The following CNBD1 variants were observed in gnomAD, a reference collection of about 807,000 sequenced individuals.
CNBD1 encodes cyclic nucleotide binding domain containing 1, also known as cyclic nucleotide-binding domain-containing protein 1.
CNBD1 carries 71 observed loss-of-function variants against 54.4 expected under a neutral mutation model. That is an observed-to-expected ratio of 1.30 (90% CI 1.08 to 1.59). CNBD1 has a LOEUF of 1.59. CNBD1 is among the 40% of genes most tolerant of loss of function. CNBD1 has a pLI of 0.00. For synonymous variants in CNBD1, 182 were observed against 170.7 expected (o/e 1.07, Z -0.51); for missense variants, 659 against 518.0 (o/e 1.27, Z -2.64).
chr8:87,226,096 C>T (rs1422805770), intron 5 of CNBD1, among the ~76,000 whole-genome samples: 1 of 151,956 alleles, frequency 6.6e-6, no homozygotes, highest in Non-Finnish European at 1.5e-5. Flanking sequence ...ATCCCCTTTA[C>T]CATTTTTTAT....
intron 6 of CNBD1, among the ~76,000 whole-genome samples, chr8:87,280,289 A>T (rs28668446): frequency 0.24 from 36,894 of 151,428 alleles, 4,681 homozygotes; most frequent in South Asian, 0.28. Flanking sequence ...GAGAAAAATA[A>T]TTTTTTTCAA....
At chr8:87,077,565 C>G (rs987305946) in intron 4 of CNBD1, among the ~76,000 whole-genome samples, 5 of 122,716 alleles carry the variant, frequency 4.1e-5, no homozygotes, top group Non-Finnish European at 8.3e-5. Context: ...CCCCCCTCCC[C>G]CATCCCTCTA....
At chr8:86,889,305 C>A (rs748214246) in intron 2 of CNBD1, among the ~76,000 whole-genome samples, 1 of 152,054 alleles carries the variant, frequency 6.6e-6, no homozygotes, top group Non-Finnish European at 1.5e-5. Context: ...AAGTTCAGGT[C>A]CCTTTTCTCA....
At chr8:87,010,285 A>AT (rs199895645) in intron 4 of CNBD1, among the ~76,000 whole-genome samples, 10 of 151,340 alleles carry the variant, frequency 6.6e-5, no homozygotes, top group South Asian at 2.1e-4. Flanking sequence ...TCCTGACACG[A>AT]TTTTTTTTTC....
chr8:86,899,588 A>G (rs986647163), intron 2 of CNBD1, among the ~76,000 whole-genome samples: 6 of 152,100 alleles, frequency 3.9e-5, no homozygotes, highest in Admixed American at 6.6e-5. Context: ...CTTTATTTTC[A>G]TAAAGATTTT....
At chr8:87,211,050 G>C (rs1814087440) in intron 5 of CNBD1, among the ~76,000 whole-genome samples, 1 of 152,088 alleles carries the variant, frequency 6.6e-6, no homozygotes, top group Non-Finnish European at 1.5e-5. Flanking sequence ...TCAAGGCCTT[G>C]GGAGCCCACC....
intron 4 of CNBD1, among the ~76,000 whole-genome samples, chr8:87,089,287 A>G (rs768498229): frequency 2.0e-5 from 3 of 152,136 alleles, no homozygotes; most frequent in Non-Finnish European, 2.9e-5. Context: ...GCTCATAGTC[A>G]TATAATCTAA....
chr8:87,345,395 T>G (rs1810151269), intron 8 of CNBD1, among the ~76,000 whole-genome samples: 1 of 152,176 alleles, frequency 6.6e-6, no homozygotes, highest in Admixed American at 6.5e-5. Flanking sequence ...GGTACTGCTA[T>G]CTAAATTCTT....
chr8:87,324,559 C>A (rs1276510401), intron 8 of CNBD1, among the ~76,000 whole-genome samples: 1 of 144,954 alleles, frequency 6.9e-6, no homozygotes, highest in Non-Finnish European at 1.5e-5. Context: ...GGAATGTATC[C>A]ATTTCTTCTA....
chr8:86,950,511 A>G (rs1563833860), intron 4 of CNBD1, among the ~76,000 whole-genome samples: 3 of 152,164 alleles, frequency 2.0e-5, no homozygotes. Context: ...GTCATGATGA[A>G]TGATATTTTT....
At chr8:87,004,250 T>C (rs1033891168) in intron 4 of CNBD1, among the ~76,000 whole-genome samples, 23 of 152,224 alleles carry the variant, frequency 1.5e-4, no homozygotes, top group African/African-American at 5.3e-4. Flanking sequence ...CTTTCATTCA[T>C]GGGAGAAGGT....
intron 4 of CNBD1, among the ~76,000 whole-genome samples, chr8:86,975,346 G>T (rs894125549): frequency 8.6e-5 from 13 of 151,860 alleles, no homozygotes; most frequent in Non-Finnish European, 1.6e-4. Context: ...ATGAAATTTT[G>T]TACCCTTTGA....
chr8:87,409,266 G>A (rs936827363), intron 2 of CNBD1, among the ~76,000 whole-genome samples: 6 of 152,118 alleles, frequency 3.9e-5, no homozygotes, highest in Admixed American at 3.9e-4. Context: ...TTAGTGGTCT[G>A]AATAGAAGAT....
At chr8:87,011,519 G>T (rs1809222153) in intron 4 of CNBD1, among the ~76,000 whole-genome samples, 1 of 152,058 alleles carries the variant, frequency 6.6e-6, no homozygotes, top group South Asian at 2.1e-4. Flanking sequence ...GGAGGTAGGG[G>T]TGTGGGGCTG....
At chr8:87,367,340 T>A (rs143340062) in intron 10 of CNBD1, among the ~76,000 whole-genome samples, 2 of 152,172 alleles carry the variant, frequency 1.3e-5, no homozygotes, top group Admixed American at 6.6e-5. Context: ...TATATAAAGC[T>A]CTCCAGGTGG....
chr8:87,385,905 C>G (rs1446457697), downstream of CNBD1, among the ~76,000 whole-genome samples: 1 of 152,094 alleles, frequency 6.6e-6, no homozygotes, highest in South Asian at 2.1e-4. Context: ...GCCGGGTACT[C>G]CTCTGAGACA....
intron 4 of CNBD1, among the ~76,000 whole-genome samples, chr8:86,948,345 C>G (rs1045534300): frequency 1.3e-5 from 2 of 152,092 alleles, no homozygotes; most frequent in African/African-American, 4.8e-5. Context: ...CTGTTATTCA[C>G]AGTTCTTGTA....
intron 4 of CNBD1, among the ~76,000 whole-genome samples, chr8:86,992,751 C>T (rs993887078): frequency 1.3e-5 from 2 of 152,020 alleles, no homozygotes. Flanking sequence ...TATGAAATTC[C>T]TATTTGGAAT....
chr8:87,323,181 A>C (rs1356833486), intron 8 of CNBD1, among the ~76,000 whole-genome samples: 2 of 122,876 alleles, frequency 1.6e-5, no homozygotes, highest in Non-Finnish European at 3.6e-5. Context: ...TTTTGGTACC[A>C]GTACCATGCT....
Sources: allele counts gnomAD v4.1 joint callset (sites outside exome capture counted in the v4.1 genomes callset), GRCh38; gene constraint gnomAD v4.1.1; transcripts MANE v1.5; gene names NCBI Gene and HGNC (gene_info 2026-07-23, HGNC 2026-07-21).